The following ENOX1 variants were observed in gnomAD, a reference collection of about 807,000 sequenced individuals.
ENOX1 encodes the protein candidate growth-related and time keeping constitutive hydroquinone (NADH) oxidase.
A neutral mutation model predicts 82.5 loss-of-function variants in ENOX1; 42 were observed. The observed-to-expected ratio is 0.51, with a 90% CI of 0.40 to 0.66. ENOX1 has a LOEUF of 0.66. Among genes scored for constraint, ENOX1 ranks in the 30% least tolerant of loss-of-function variants. ENOX1 has a pLI of 0.00. For missense variants in ENOX1, 608 were observed against 811.6 expected, an observed-to-expected ratio of 0.75 and a Z score of 3.05; for synonymous variants, 271 against 282.2, an observed-to-expected ratio of 0.96 and a Z score of 0.40.
At chr13:43,693,307 A>C (rs1487154048) in intron 1 of ENOX1, among the ~76,000 whole-genome samples, 1 of 152,192 alleles carries the variant, frequency 6.6e-6, no homozygotes, top group Non-Finnish European at 1.5e-5. Flanking sequence ...AGAATGGAGA[A>C]AGACAAAAAC....
At chr13:43,221,286 C>T (rs1483767916) in intron 16 of ENOX1, among the ~76,000 whole-genome samples, 4 of 152,204 alleles carry the variant, frequency 2.6e-5, no homozygotes, top group Non-Finnish European at 4.4e-5. Flanking sequence ...CAGACGAACC[C>T]TCCTCTTGAC....
At chr13:43,756,781 A>C (rs767036896) in intron 1 of ENOX1, among the ~76,000 whole-genome samples, 1 of 152,062 alleles carries the variant, frequency 6.6e-6, no homozygotes, top group Non-Finnish European at 1.5e-5. Flanking sequence ...AAAAAAGATG[A>C]AAATTACCTT....
At chr13:43,732,662 T>C (rs1397925829) in intron 1 of ENOX1, among the ~76,000 whole-genome samples, 2 of 152,226 alleles carry the variant, frequency 1.3e-5, no homozygotes, top group Non-Finnish European at 2.9e-5. Flanking sequence ...GTAAGATATG[T>C]TGCCTCTTAA....
chr13:43,331,946 G>T (rs542855622), intron 9 of ENOX1, among the ~76,000 whole-genome samples: 1 of 152,146 alleles, frequency 6.6e-6, no homozygotes, highest in East Asian at 1.9e-4. Flanking sequence ...GAATGAATAC[G>T]GTCAAACCCA....
At chr13:43,582,582 T>TG (rs2080795005) in intron 2 of ENOX1, among the ~76,000 whole-genome samples, 1 of 150,962 alleles carries the variant, frequency 6.6e-6, no homozygotes, top group East Asian at 1.9e-4. Flanking sequence ...TTTCTTTTTC[T>TG]TTTTTTTTGG....
intron 1 of ENOX1, among the ~76,000 whole-genome samples, chr13:43,689,226 A>G (rs2086226398): frequency 6.7e-6 from 1 of 149,866 alleles, no homozygotes; most frequent in Non-Finnish European, 1.5e-5. Flanking sequence ...CTACCACCAG[A>G]GTCAAAAATA....
At chr13:43,684,899 AT>A (rs776531479) in intron 1 of ENOX1, among the ~76,000 whole-genome samples, 3 of 152,236 alleles carry the variant, frequency 2.0e-5, no homozygotes, top group Non-Finnish European at 2.9e-5. Flanking sequence ...ATCAAAAAAA[AT>A]AATGATCATA....
At chr13:43,705,330 C>CTCTCTATA (rs141765196) in intron 1 of ENOX1, among the ~76,000 whole-genome samples, 38 of 129,850 alleles carry the variant, frequency 2.9e-4, no homozygotes, top group African/African-American at 8.4e-4. Context: ...CTCTCTCTCT[C>CTCTCTATA]TATATATATA....
intron 3 of ENOX1, among the ~76,000 whole-genome samples, chr13:43,468,862 T>C (rs1168150395): frequency 2.0e-5 from 3 of 152,194 alleles, no homozygotes; most frequent in African/African-American, 7.2e-5. Flanking sequence ...TTTTTATTGA[T>C]GCTATTATGA....
chr13:43,696,098 C>G (rs1331187477), intron 1 of ENOX1, among the ~76,000 whole-genome samples: 4 of 152,168 alleles, frequency 2.6e-5, no homozygotes, highest in Non-Finnish European at 4.4e-5. Context: ...CAAAGTTCAT[C>G]TATGTTGCAA....
At chr13:43,475,933 G>A (rs74070712) in intron 3 of ENOX1, among the ~76,000 whole-genome samples, 1,754 of 152,072 alleles carry the variant, frequency 0.012, 43 homozygotes, top group African/African-American at 0.04. Context: ...TAAATAAGGT[G>A]GGAACCTTAA....
chr13:43,550,397 A>C (rs747412233), intron 2 of ENOX1, among the ~76,000 whole-genome samples: 1 of 152,216 alleles, frequency 6.6e-6, no homozygotes, highest in Non-Finnish European at 1.5e-5. Context: ...TCCAGTGTCC[A>C]TCAGCAGTTG....
chr13:43,727,563 A>G (rs1016003589), intron 1 of ENOX1, among the ~76,000 whole-genome samples: 2 of 152,154 alleles, frequency 1.3e-5, no homozygotes, highest in African/African-American at 4.8e-5. Context: ...GCTGAAGTCC[A>G]TGTATGGTTG....
chr13:43,293,178 C>G (rs2046099052), intron 12 of ENOX1, among the ~76,000 whole-genome samples: 1 of 152,022 alleles, frequency 6.6e-6, no homozygotes, highest in Admixed American at 6.6e-5. Flanking sequence ...AGGTTACCAC[C>G]CCCCTCACAG....
intron 5 of ENOX1, among the ~76,000 whole-genome samples, chr13:43,381,646 G>A: frequency 6.6e-6 from 1 of 151,776 alleles, no homozygotes; most frequent in Admixed American, 6.6e-5. Context: ...CCTTAGGCAG[G>A]AAAGCAGAGA....
chr13:43,512,164 T>A (rs2077394430), intron 2 of ENOX1, among the ~76,000 whole-genome samples: 2 of 152,138 alleles, frequency 1.3e-5, no homozygotes. Context: ...CTGTTGAGAT[T>A]TAAACCATTA....
chr13:43,603,222 A>T (rs2081807049), intron 2 of ENOX1, among the ~76,000 whole-genome samples: 1 of 152,026 alleles, frequency 6.6e-6, no homozygotes, highest in Non-Finnish European at 1.5e-5. Flanking sequence ...ATGCTCTTTC[A>T]ATATGTCATG....
intron 2 of ENOX1, among the ~76,000 whole-genome samples, chr13:43,551,639 A>G (rs2153699885): frequency 6.6e-6 from 1 of 152,332 alleles, no homozygotes; most frequent in South Asian, 2.1e-4. Flanking sequence ...TGATAATACG[A>G]TGACTGAAAA....
chr13:43,475,255 A>G (rs890379462), intron 3 of ENOX1, among the ~76,000 whole-genome samples: 12 of 152,280 alleles, frequency 7.9e-5, no homozygotes, highest in African/African-American at 2.4e-4. Context: ...TATGTGAGCT[A>G]AAAGTGAAAA....
Sources: allele counts gnomAD v4.1 joint callset (sites outside exome capture counted in the v4.1 genomes callset), GRCh38; gene constraint gnomAD v4.1.1; transcripts MANE v1.5; gene names NCBI Gene and HGNC (gene_info 2026-07-23, HGNC 2026-07-21).